Variants in TECPR2 observed in about 807,000 individuals in gnomAD.
The protein encoded by TECPR2 is tectonin beta-propeller repeat containing 2.
TECPR2 carries 65 observed loss-of-function variants against 138.1 expected under a neutral mutation model. That is an observed-to-expected ratio of 0.47 (90% CI 0.39 to 0.58). TECPR2 has a LOEUF of 0.58. TECPR2 is among the 20% of genes least tolerant of loss of function. The pLI, the probability that TECPR2 is intolerant of heterozygous loss-of-function variation, is 0.00. For synonymous variants in TECPR2, 746 were observed against 749.8 expected (o/e 0.99, Z 0.08); for missense variants, 1,553 against 1,824.5 (o/e 0.85, Z 2.71).
intron 2 of TECPR2, among the ~76,000 whole-genome samples, chr14:102,407,086 C>T (rs1005168412): frequency 6.6e-6 from 1 of 152,188 alleles, no homozygotes; most frequent in Non-Finnish European, 1.5e-5. Flanking sequence ...TCTCGAACTC[C>T]TGACCTCAGG....
At position 102,452,512 on chromosome 14, in the gene TECPR2, C is replaced by T. The variant is rs559134152; in HGVS notation, c.3525C>T (p.Ala1175=). The change falls in exon 16 of 20, where the codon GCC becomes GCT. Residue 1175 remains alanine (A), a synonymous_variant. Transcript: ENST00000359520. ...CCGAAGCCGAGATGCGCGCCTATGC[C>T]GCCTGCCAGGATGCGCTGTGGGCGC... ...LPPEAEMRAY[A]ACQDALWALD... The T allele has an allele frequency of 2.5e-5, 41 of 1,612,760 alleles. 1 individual carries two copies. In the South Asian group the frequency reaches 2.9e-4, roughly 11 times the overall value.
chr14:102,372,872 A>G (rs1355755472), intron 1 of TECPR2, among the ~76,000 whole-genome samples: 2 of 152,102 alleles, frequency 1.3e-5, no homozygotes, highest in East Asian at 3.9e-4. Context: ...GTGAGCCAAG[A>G]TCATGCCACT....
rs763880854 is a variant in TECPR2, at chr14:102,449,886, A to G, written c.3316+17A>G. 8 of 1,609,794 alleles carry G rather than the reference A, an allele frequency of 5.0e-6. No individual in the cohort carries two copies. The African/African-American group carries it at 6.7e-5, about 13-fold the overall frequency. On this transcript the variant is annotated intron_variant, in intron 14 of 19. Coordinates refer to ENST00000359520, the MANE Select transcript of TECPR2 (RefSeq NM_014844.5). ...GTCTCATAGGTGGGTGAATTGCTGTAATTTTCACACTGGCTTTATAGGCAG... is the reference window on the plus strand; with the variant it reads ...GTCTCATAGGTGGGTGAATTGCTGTGATTTTCACACTGGCTTTATAGGCAG...
intron 17 of TECPR2, among the ~76,000 whole-genome samples, chr14:102,496,452 C>T (rs568313797): frequency 6.6e-6 from 1 of 152,336 alleles, no homozygotes; most frequent in African/African-American, 2.4e-5. Context: ...ACAGAGGCTG[C>T]CCAAGGACCA....
intron 2 of TECPR2, among the ~76,000 whole-genome samples, chr14:102,380,730 G>A (rs1320092574): frequency 6.6e-5 from 10 of 152,238 alleles, no homozygotes; most frequent in Non-Finnish European, 1.5e-4. Flanking sequence ...CCAGGCTAGA[G>A]TGCAGTGGCG....
intron 18 of TECPR2, 167 bp from the exon 19 acceptor site, chr14:102,497,403 A>G (rs888472924): frequency 2.8e-6 from 3 of 1,080,092 alleles, no homozygotes; most frequent in Non-Finnish European, 2.5e-6. Context: ...GGCCCTGCCA[A>G]CTGGTCGTCC....
At chr14:102,444,560 T>C (rs938300327) in intron 12 of TECPR2, among the ~76,000 whole-genome samples, 3 of 152,166 alleles carry the variant, frequency 2.0e-5, no homozygotes, top group Admixed American at 6.6e-5. Flanking sequence ...ATGTTAGTTA[T>C]AGAATTGCCA....
Position 102,446,084 on chromosome 14 carries a change from T to A in TECPR2, c.3075+137T>A, listed in dbSNP as rs1293040046. On this transcript the variant is annotated intron_variant, in intron 13 of 19. Coordinates refer to ENST00000359520, the MANE Select transcript of TECPR2 (RefSeq NM_014844.5). The stretch of plus-strand genomic sequence containing the variant: ...TTTTTTATTATTTGTTTGTTTGTTT[T>A]GAAACAAGATCTCCTTCCGTCATCC... 6.0e-6 allele frequency: 7 copies of A among 1,169,080 alleles called. No individual in the cohort carries two copies. In the African/African-American group the frequency reaches 9.5e-5, roughly 16 times the overall value. 72.4% of individuals were successfully genotyped at this position (1,169,080 alleles called of 1,614,324 possible).
chr14:102,457,034 C>G (rs902517944), intron 16 of TECPR2, among the ~76,000 whole-genome samples: 1 of 152,116 alleles, frequency 6.6e-6, no homozygotes, highest in African/African-American at 2.4e-5. Flanking sequence ...TTATTAGGCT[C>G]TCTCCAGGTA....
chr14:102,438,126 C>G lies in TECPR2; in HGVS notation c.2499C>G (p.Phe833Leu). The change falls in exon 10 of 20, where the codon TTC (phenylalanine) becomes TTG (leucine). Residue 833 changes from phenylalanine to leucine, a missense_variant. Coordinates refer to ENST00000359520, the MANE Select transcript of TECPR2 (RefSeq NM_014844.5). ...GCCTGGACTACAAAGGCGGCCTGTTCTGCAGCGCGTTGCCGGGCGCCGGGC... is the reference window on the plus strand; with the variant it reads ...GCCTGGACTACAAAGGCGGCCTGTTGTGCAGCGCGTTGCCGGGCGCCGGGC... ...IWCLDYKGGL[F>L]CSALPGAGLR... The G allele has an allele frequency of 6.2e-7, 1 of 1,613,994 alleles. No individual in the cohort carries two copies. The highest frequency in any genetic ancestry group is 8.5e-7 in the Non-Finnish European group (1 of 1,179,992).
chr14:102,363,369 G>A (rs1299556332), intron 1 of TECPR2, among the ~76,000 whole-genome samples: 1 of 152,106 alleles, frequency 6.6e-6, no homozygotes, highest in East Asian at 1.9e-4. Flanking sequence ...AACAGGGGCC[G>A]CCCGCCCCTC....
At position 102,440,713 on chromosome 14, in the gene TECPR2, G is replaced by A. The variant is rs894265650; in HGVS notation, c.2752+104G>A. 5 of 1,360,658 alleles carry A rather than the reference G, an allele frequency of 3.7e-6. No homozygotes were observed. In the African/African-American group the frequency reaches 4.4e-5, roughly 12 times the overall value. The allele number at this position is 1,360,658 out of a possible 1,614,324, so 84.3% of individuals were successfully genotyped here. Reference sequence around the variant, plus strand: ...CTTACCACAATCGCTATGATTAAGAGGCTAAATCCATTCGAATTAAGACAC... The same window carrying A: ...CTTACCACAATCGCTATGATTAAGAAGCTAAATCCATTCGAATTAAGACAC... On this transcript the variant is annotated intron_variant, in intron 11 of 19. Transcript: ENST00000359520.
intron 16 of TECPR2, among the ~76,000 whole-genome samples, chr14:102,453,514 A>G (rs1207939843): frequency 6.6e-6 from 1 of 152,000 alleles, no homozygotes; most frequent in East Asian, 1.9e-4. Context: ...AAAGAAATGT[A>G]GTGCTGCTAT....
intron 2 of TECPR2, among the ~76,000 whole-genome samples, chr14:102,384,391 A>G (rs1325350398): frequency 6.7e-6 from 1 of 149,580 alleles, no homozygotes. Context: ...AAGAGATCAC[A>G]TGGTAGGCCG....
At chr14:102,485,004 G>T (rs1403869134) in intron 17 of TECPR2, among the ~76,000 whole-genome samples, 1 of 152,204 alleles carries the variant, frequency 6.6e-6, no homozygotes, top group Admixed American at 6.5e-5. Flanking sequence ...AGTGGTGCTT[G>T]AGAAGGGAGT....
intron 17 of TECPR2, among the ~76,000 whole-genome samples, chr14:102,467,320 T>A (rs1890566772): frequency 2.1e-5 from 1 of 48,186 alleles, no homozygotes; most frequent in Non-Finnish European, 3.2e-5. Flanking sequence ...TCCTCACCAA[T>A]TTTTTTTTTT....
rs189919462 is a variant in TECPR2, at chr14:102,393,382, T to C, written c.220-13956T>C. ...CTGTAGTTAAGTGTTAATAATCTGA[T>C]GTCTGGGATGTTTTGATTCTTACAT... On this transcript the variant is annotated intron_variant, in intron 2 of 19. Coordinates refer to ENST00000359520, the MANE Select transcript of TECPR2 (RefSeq NM_014844.5). 5.8e-4 allele frequency among the ~76,000 whole-genome samples: 89 copies of C among 152,322 alleles called. No homozygotes were observed. The East Asian group carries it at 0.014, about 24-fold the overall frequency.
chr14:102,463,358 A>G (rs1442827983), intron 16 of TECPR2, among the ~76,000 whole-genome samples: 1 of 143,064 alleles, frequency 7.0e-6, no homozygotes, highest in East Asian at 2.2e-4. Context: ...CGGAGCTTGC[A>G]GTGAGCCGAG....
intron 1 of TECPR2, among the ~76,000 whole-genome samples, chr14:102,370,147 C>T (rs1234533188): frequency 6.6e-6 from 1 of 151,914 alleles, no homozygotes; most frequent in Non-Finnish European, 1.5e-5. Flanking sequence ...TCTTGGTTCA[C>T]TGGAACCTCT....
Sources: gnomAD v4.1 joint callset for allele counts (sites outside exome capture counted in the v4.1 genomes callset) on GRCh38, gnomAD v4.1.1 for gene constraint, MANE v1.5 for transcripts, NCBI Gene and HGNC (gene_info 2026-07-23, HGNC 2026-07-21) for gene names.